Variants in SPOP observed in about 807,000 individuals in gnomAD.
SPOP encodes speckle-type POZ protein.
SPOP carries 11 observed loss-of-function variants against 45.6 expected under a neutral mutation model. The observed-to-expected ratio is 0.24, with a 90% confidence interval of 0.15 to 0.40. The LOEUF (loss-of-function observed/expected upper bound fraction) is 0.40. SPOP is among the 10% of genes least tolerant of loss of function. The probability of loss-of-function intolerance (pLI) is 1.00; values close to 1 mark genes in which losing one functional copy is unlikely to be tolerated. For missense variants in SPOP, 152 were observed against 465.6 expected (o/e 0.33, Z 6.20); for synonymous variants, 166 against 166.3 (o/e 1.00, Z 0.01).
At chr17:49,620,077 G>T (rs1469616804) in intron 3 of SPOP, among the ~76,000 whole-genome samples, 1 of 152,134 alleles carries the variant, frequency 6.6e-6, no homozygotes, top group Admixed American at 6.5e-5. Context: ...GGCTGAGGCA[G>T]GAGAATCGCT....
chr17:49,622,214 C>G (rs1346482523), intron 2 of SPOP, 147 bp from the exon 3 acceptor site: 40 of 993,338 alleles, frequency 4.0e-5, no homozygotes, highest in Non-Finnish European at 6.0e-5. Flanking sequence ...ACCTTATGTT[C>G]CTCATCCACA....
chr17:49,662,707 G>A (rs117058439), intron 1 of SPOP, among the ~76,000 whole-genome samples: 180 of 151,886 alleles, frequency 1.2e-3, no homozygotes, highest in Non-Finnish European at 1.8e-3. Flanking sequence ...AAAAGTAAAT[G>A]ATAATTCCTA....
chr17:49,615,809 T>C (rs2072074164), intron 5 of SPOP, among the ~76,000 whole-genome samples: 2 of 151,986 alleles, frequency 1.3e-5, no homozygotes, highest in South Asian at 2.1e-4. Context: ...AGATAGAAAA[T>C]AGGGAGCTGA....
At chr17:49,630,189 A>AAAAC (rs1248781014) in intron 1 of SPOP, among the ~76,000 whole-genome samples, 1 of 152,248 alleles carries the variant, frequency 6.6e-6, no homozygotes, top group Non-Finnish European at 1.5e-5. Context: ...GACAATTGCA[A>AAAAC]AAACAAACAA....
chr17:49,662,036 A>T (rs2072995512), intron 1 of SPOP, among the ~76,000 whole-genome samples: 1 of 111,838 alleles, frequency 8.9e-6, no homozygotes, highest in African/African-American at 3.4e-5. Context: ...AAAAAAAAAA[A>T]TTTAAATTTT....
At chr17:49,611,597 T>A (rs1467943429) in intron 5 of SPOP, 140 bp from the exon 6 acceptor site, 1 of 757,744 alleles carries the variant, frequency 1.3e-6, no homozygotes, top group Non-Finnish European at 2.2e-6. Context: ...CCTCCACAAA[T>A]CAAGGCTTTA....
intron 1 of SPOP, among the ~76,000 whole-genome samples, chr17:49,628,795 C>T (rs1415960764): frequency 6.6e-6 from 1 of 152,180 alleles, no homozygotes; most frequent in African/African-American, 2.4e-5. Flanking sequence ...TTCAACTGAA[C>T]CTACGGTGCA....
At chr17:49,638,299 T>C (rs982315389) in intron 1 of SPOP, among the ~76,000 whole-genome samples, 4 of 152,110 alleles carry the variant, frequency 2.6e-5, no homozygotes, top group African/African-American at 9.7e-5. Flanking sequence ...TCCTTAAAAA[T>C]AGAATCTCGG....
At chr17:49,640,432 C>T (rs141324086) in intron 1 of SPOP, among the ~76,000 whole-genome samples, 2 of 151,880 alleles carry the variant, frequency 1.3e-5, no homozygotes, top group Non-Finnish European at 2.9e-5. Flanking sequence ...GAATAAATAC[C>T]TATAGGCAGG....
intron 1 of SPOP, among the ~76,000 whole-genome samples, chr17:49,658,028 T>G (rs1053301826): frequency 6.6e-6 from 1 of 152,100 alleles, no homozygotes; most frequent in Non-Finnish European, 1.5e-5. Context: ...AAGGAAAAAC[T>G]GGAGGAAAAA....
At chr17:49,616,861 C>A (rs1488416225) in intron 5 of SPOP, among the ~76,000 whole-genome samples, 1 of 152,240 alleles carries the variant, frequency 6.6e-6, no homozygotes, top group Non-Finnish European at 1.5e-5. Flanking sequence ...AACATCTCCT[C>A]GTTTCTAAAG....
chr17:49,653,104 T>C (rs1219426471), intron 1 of SPOP, among the ~76,000 whole-genome samples: 3 of 152,160 alleles, frequency 2.0e-5, no homozygotes, highest in Admixed American at 6.5e-5. Context: ...TCATTTTTTT[T>C]CCCCCTCATC....
In SPOP at chr17:49,651,892, G is replaced by A. The variant is rs559197028; in HGVS notation, c.-67+26041C>T. Among the ~76,000 whole-genome samples, 263 of 152,088 alleles carry A rather than the reference G, an allele frequency of 1.7e-3. 2 individuals carry two copies. The highest frequency in any genetic ancestry group is 3.1e-3 in the Non-Finnish European group (213 of 67,988). On this transcript the variant is annotated intron_variant, in intron 1 of 9. Coordinates refer to ENST00000504102, the MANE Select transcript of SPOP (RefSeq NM_001007228.2). ...AAATTAGCCAGGCGTGGTGGCGGGC[G>A]CCTGTAATCCCAGCTACTAGGGAGG...
chr17:49,606,184 C>T (rs1412311772), intron 8 of SPOP, among the ~76,000 whole-genome samples: 1 of 151,916 alleles, frequency 6.6e-6, no homozygotes, highest in Admixed American at 6.5e-5. Flanking sequence ...AACAAGGTCT[C>T]GTTCTGTCAC....
At chr17:49,623,855 T>C (rs949293538) in intron 1 of SPOP, among the ~76,000 whole-genome samples, 12 of 152,142 alleles carry the variant, frequency 7.9e-5, no homozygotes, top group Non-Finnish European at 1.8e-4. Context: ...CTCAATCATT[T>C]TCTCAATCTA....
rs2073227755 is a variant in SPOP at position 49,678,022 on chromosome 17, A to C, written c.-156T>G. 1 of 399,080 alleles carries C rather than the reference A, an allele frequency of 2.5e-6. No individual in the cohort carries two copies. Among genetic ancestry groups the C allele is most frequent in the Non-Finnish European group, 4.4e-6 (1 of 226,404 alleles). The allele number at this position is 399,080 out of a possible 1,614,324, so 24.7% of individuals were successfully genotyped here. On this transcript the variant is annotated 5_prime_UTR_variant, in exon 1 of 10. Coordinates refer to ENST00000504102, the MANE Select transcript of SPOP (RefSeq NM_001007228.2). ...ATCCGGGACCTGCGGGACCGCCGAT[A>C]CACAAATACACACACACTCGGAGCG...
At chr17:49,643,308 A>G (rs1012791741) in intron 1 of SPOP, among the ~76,000 whole-genome samples, 1 of 152,230 alleles carries the variant, frequency 6.6e-6, no homozygotes, top group African/African-American at 2.4e-5. Context: ...AAAGGGTGAA[A>G]AAACATGGAG....
At chr17:49,626,935 C>T (rs1199728263) in intron 1 of SPOP, among the ~76,000 whole-genome samples, 5 of 152,026 alleles carry the variant, frequency 3.3e-5, no homozygotes, top group South Asian at 2.1e-4. Flanking sequence ...CTGCAAGCTC[C>T]GCCTCCCGGG....
intron 5 of SPOP, 69 bp downstream of exon 5, chr17:49,618,912 A>G: frequency 2.0e-6 from 3 of 1,526,610 alleles, no homozygotes; most frequent in South Asian, 1.2e-5. Context: ...CCCTGATACA[A>G]TATAATTAAG....
Sources: allele counts gnomAD v4.1 joint callset (sites outside exome capture counted in the v4.1 genomes callset), GRCh38; gene constraint gnomAD v4.1.1; transcripts MANE v1.5; gene names NCBI Gene and HGNC (gene_info 2026-07-23, HGNC 2026-07-21).